PGM3: variants seen among roughly 807,000 people sequenced by gnomAD.
The protein encoded by PGM3 is phosphoglucomutase 3, also known as phosphoacetylglucosamine mutase.
In PGM3, 40 loss-of-function variants were observed where a neutral mutation model predicts 66.2. The observed-to-expected ratio is 0.60, with a 90% CI of 0.47 to 0.79. The LOEUF (loss-of-function observed/expected upper bound fraction) is 0.79, where lower values mean the gene tolerates loss of function less well. Among genes scored for constraint, PGM3 ranks in the 30% least tolerant of loss-of-function variants. The probability of loss-of-function intolerance (pLI) is 0.00; values close to 1 mark genes in which losing one functional copy is unlikely to be tolerated. For missense variants in PGM3, 537 were observed against 643.4 expected, an observed-to-expected ratio of 0.83 and a Z score of 1.79; for synonymous variants, 191 against 224.2, an observed-to-expected ratio of 0.85 and a Z score of 1.32.
At chr6:83,169,644 C>G (rs1213414784) in intron 12 of PGM3, 6 of 471,962 alleles carry the variant, frequency 1.3e-5, no homozygotes, top group African/African-American at 1.2e-4. Context: ...GTACTAATGC[C>G]TCTGTTGCCA....
At chr6:83,187,954 C>T (rs183953961) in intron 3 of PGM3, among the ~76,000 whole-genome samples, 70 of 152,240 alleles carry the variant, frequency 4.6e-4, no homozygotes, top group South Asian at 3.9e-3. Flanking sequence ...CTACCATCGT[C>T]GGTATCTGGA....
chr6:83,180,990 T>A (rs1447350989), intron 6 of PGM3, among the ~76,000 whole-genome samples: 1 of 152,188 alleles, frequency 6.6e-6, no homozygotes, highest in Non-Finnish European at 1.5e-5. Context: ...TTCCAATATA[T>A]AAGAGAAGTC....
chr6:83,173,097 T>TTA (rs1787422013), intron 10 of PGM3, among the ~76,000 whole-genome samples: 1 of 152,194 alleles, frequency 6.6e-6, no homozygotes, highest in Admixed American at 6.5e-5. Flanking sequence ...AGATGTCACA[T>TTA]TATATATATG....
At chr6:83,189,988 A>T (rs1788924659) in intron 2 of PGM3, among the ~76,000 whole-genome samples, 2 of 152,216 alleles carry the variant, frequency 1.3e-5, no homozygotes, top group African/African-American at 4.8e-5. Flanking sequence ...GGTAAGGGAA[A>T]TGGGGAGATG....
intron 8 of PGM3, 101 bp downstream of exon 8, chr6:83,178,572 T>G (rs1787944401): frequency 1.3e-6 from 1 of 748,010 alleles, no homozygotes; most frequent in Non-Finnish European, 2.4e-6. Context: ...GCAGCTCAGC[T>G]TCATGCACTA....
chr6:83,177,252 G>A (rs1787838557), intron 8 of PGM3, among the ~76,000 whole-genome samples: 1 of 152,058 alleles, frequency 6.6e-6, no homozygotes, highest in Non-Finnish European at 1.5e-5. Context: ...ATGCCAGAAC[G>A]AGGTACAAAA....
At chr6:83,188,924 C>A (rs1788820876) in intron 2 of PGM3, 126 bp from the exon 3 acceptor site, 1 of 662,872 alleles carries the variant, frequency 1.5e-6, no homozygotes, top group Non-Finnish European at 2.6e-6. Context: ...CAATAAACAC[C>A]AAATATTAAT....
At chr6:83,162,661 G>T, downstream of PGM3, 1 of 1,013,094 alleles carries the variant, frequency 9.9e-7, no homozygotes. Context: ...ACAAGGCTAC[G>T]AGTGGCACAT....
the PGM3 span, among the ~76,000 whole-genome samples, chr6:83,149,880 C>T: frequency 6.6e-6 from 1 of 152,122 alleles, no homozygotes; most frequent in Non-Finnish European, 1.5e-5. Flanking sequence ...ATGGTTAACA[C>T]CTACAGAGAG....
intron 2 of PGM3, among the ~76,000 whole-genome samples, chr6:83,189,646 T>C (rs951654085): frequency 6.6e-6 from 1 of 152,150 alleles, no homozygotes; most frequent in Non-Finnish European, 1.5e-5. Context: ...AGCAATCAAA[T>C]AGAAGCATAT....
chr6:83,151,461 A>G, the PGM3 span: 1 of 568,660 alleles, frequency 1.8e-6, no homozygotes, highest in Non-Finnish European at 3.0e-6. Flanking sequence ...GTCATAGGAT[A>G]TGTATATATA....
intron 10 of PGM3, among the ~76,000 whole-genome samples, chr6:83,172,654 A>G (rs561458365): frequency 1.3e-5 from 2 of 152,056 alleles, no homozygotes; most frequent in East Asian, 3.9e-4. Flanking sequence ...GCGAGACTCC[A>G]TCTCAAAACA....
chr6:83,152,156 C>A, the PGM3 span: 3 of 1,036,360 alleles, frequency 2.9e-6, no homozygotes, highest in Middle Eastern at 3.0e-4. Context: ...AACTTTTTTT[C>A]AGTGGGAAAA....
chr6:83,179,721 A>T (rs1442523657), intron 7 of PGM3, 89 bp downstream of exon 7: 1 of 993,848 alleles, frequency 1.0e-6, no homozygotes, highest in Non-Finnish European at 1.5e-6. Context: ...TTTGTCATAA[A>T]TTGTGCCCTT....
chr6:83,180,923 T>C (rs686786), intron 6 of PGM3, among the ~76,000 whole-genome samples: 94,782 of 152,094 alleles, frequency 0.62, 31,083 homozygotes, highest in African/African-American at 0.84. Flanking sequence ...TATCTGACTG[T>C]AGTGGACTAA....
At chr6:83,174,580 G>A in intron 9 of PGM3, 93 bp from the exon 10 acceptor site, 1 of 593,968 alleles carries the variant, frequency 1.7e-6, no homozygotes, top group Non-Finnish European at 2.8e-6. Context: ...TTCCCTCCTA[G>A]TCAATCTGGA....
chr6:83,159,758 T>C (rs769433056), downstream of PGM3: 6 of 1,611,942 alleles, frequency 3.7e-6, no homozygotes, highest in Admixed American at 8.4e-5. Context: ...TGTGAGTAAA[T>C]GGGTCCAGCT....
chr6:83,162,701 G>A, downstream of PGM3: 2 of 1,412,468 alleles, frequency 1.4e-6, no homozygotes, highest in Middle Eastern at 1.9e-4. Context: ...AAGCAGTGGG[G>A]TCATGATCTT....
rs1291200082 is a variant in PGM3, at chr6:83,166,212, C to G, written c.*3022G>C. The G allele has an allele frequency of 2.0e-6, 1 of 508,394 alleles. No homozygotes were observed. Among genetic ancestry groups the G allele is most frequent in the Non-Finnish European group, 3.5e-6 (1 of 288,670 alleles). 31.5% of individuals were successfully genotyped at this position (508,394 alleles called of 1,614,324 possible). A position where few individuals can be genotyped will look rare whatever the true frequency, so the allele number is the denominator to read the frequency against. On this transcript the variant is annotated 3_prime_UTR_variant, in exon 13 of 13. Coordinates refer to ENST00000513973, the MANE Select transcript of PGM3 (RefSeq NM_015599.3). The stretch of plus-strand genomic sequence containing the variant: ...GCTTTTTCACCTTTTCAATTTGCTT[C>G]AAATGCCGAACGACCATAAAATGGT...
Sources: allele counts gnomAD v4.1 joint callset (sites outside exome capture counted in the v4.1 genomes callset), GRCh38; gene constraint gnomAD v4.1.1; transcripts MANE v1.5; gene names NCBI Gene and HGNC (gene_info 2026-07-23, HGNC 2026-07-21).